The following UNC13C variants were observed in gnomAD, a reference collection of about 807,000 sequenced individuals.
UNC13C encodes unc-13 homolog C.
UNC13C carries 174 observed loss-of-function variants against 245.4 expected under a neutral mutation model. The ratio of observed to expected loss-of-function variants is 0.71; its 90% CI spans 0.63 to 0.80. The LOEUF is 0.80. Ranked by LOEUF, UNC13C falls within the 30% of genes least tolerant of loss-of-function variation. UNC13C has a pLI of 0.00. For missense variants in UNC13C, 2,829 were observed against 2,602.9 expected, an observed-to-expected ratio of 1.09 and a Z score of -1.89; for synonymous variants, 992 against 895.1, an observed-to-expected ratio of 1.11 and a Z score of -1.93.
At chr15:54,552,318 AAT>A (rs1463515166) in intron 28 of UNC13C, among the ~76,000 whole-genome samples, 1 of 124,860 alleles carries the variant, frequency 8.0e-6, no homozygotes, top group Non-Finnish European at 1.6e-5. Flanking sequence ...TATATAATGT[AAT>A]ATATAATTAT....
At chr15:54,121,982 A>G (rs78999015) in intron 2 of UNC13C, among the ~76,000 whole-genome samples, 3,713 of 151,946 alleles carry the variant, frequency 0.024, 153 homozygotes, top group African/African-American at 0.08. Context: ...TTTTATGTTG[A>G]TCTTATATGG....
At chr15:54,633,276 A>G (rs574213992), downstream of UNC13C, 32 of 152,346 alleles carry the variant, frequency 2.1e-4, no homozygotes, top group Admixed American at 1.7e-3. Flanking sequence ...ATTCGTGGGC[A>G]CAGTATATGT....
At chr15:53,935,068 A>G in the UNC13C span, among the ~76,000 whole-genome samples, 1 of 152,210 alleles carries the variant, frequency 6.6e-6, no homozygotes, top group African/African-American at 2.4e-5. Context: ...CACATCAACC[A>G]GGAAGTTTAA....
intron 2 of UNC13C, among the ~76,000 whole-genome samples, chr15:54,017,274 A>T (rs557078583): frequency 1.3e-5 from 2 of 152,162 alleles, no homozygotes; most frequent in Non-Finnish European, 2.9e-5. Context: ...CTGATTTAAG[A>T]GTGAAAAGTA....
intron 30 of UNC13C, among the ~76,000 whole-genome samples, chr15:54,612,945 G>A (rs1230952209): frequency 1.3e-5 from 2 of 151,802 alleles, no homozygotes; most frequent in Non-Finnish European, 2.9e-5. Context: ...ATACTTATAT[G>A]AATTAATTCA....
At chr15:54,033,345 G>A (rs968289706) in intron 2 of UNC13C, among the ~76,000 whole-genome samples, 2 of 152,090 alleles carry the variant, frequency 1.3e-5, no homozygotes, top group Admixed American at 6.5e-5. Flanking sequence ...GAGAAACACT[G>A]TTACTTTGGA....
At chr15:54,380,459 A>T (rs2039699420) in intron 17 of UNC13C, among the ~76,000 whole-genome samples, 1 of 152,152 alleles carries the variant, frequency 6.6e-6, no homozygotes, top group South Asian at 2.1e-4. Context: ...TCTTTGACAT[A>T]CTGATTTAAT....
chr15:53,881,017 T>A, the UNC13C span, among the ~76,000 whole-genome samples: 1 of 152,190 alleles, frequency 6.6e-6, no homozygotes, highest in Non-Finnish European at 1.5e-5. Context: ...CCCCAAGTGA[T>A]GCTGGCCTTG....
chr15:54,259,406 G>T (rs1042400548), intron 8 of UNC13C, among the ~76,000 whole-genome samples: 3 of 152,228 alleles, frequency 2.0e-5, no homozygotes, highest in African/African-American at 7.2e-5. Flanking sequence ...AACAGTCATG[G>T]CGGAAGGCGA....
intron 4 of UNC13C, among the ~76,000 whole-genome samples, chr15:54,214,897 C>CACCCTAAATTGAG (rs2034992531): frequency 1.3e-5 from 2 of 151,850 alleles, no homozygotes; most frequent in Admixed American, 6.6e-5. Flanking sequence ...TAAAAGCTAA[C>CACCCTAAATTGAG]ACCCTAAATT....
the UNC13C span, among the ~76,000 whole-genome samples, chr15:53,934,622 A>T: frequency 7.2e-5 from 11 of 152,212 alleles, no homozygotes; most frequent in Non-Finnish European, 1.3e-4. Flanking sequence ...CGTAGAAGGT[A>T]TATGTCTTAT....
At chr15:53,917,101 T>C in the UNC13C span, among the ~76,000 whole-genome samples, 3 of 152,246 alleles carry the variant, frequency 2.0e-5, no homozygotes, top group Admixed American at 1.3e-4. Context: ...TCCTGGTGAA[T>C]TTGTTTAACA....
chr15:54,513,113 T>G (rs1481747972), intron 24 of UNC13C, among the ~76,000 whole-genome samples: 1 of 152,200 alleles, frequency 6.6e-6, no homozygotes, highest in Non-Finnish European at 1.5e-5. Flanking sequence ...TATTTTAAAA[T>G]TATTCTGCTG....
the UNC13C span, among the ~76,000 whole-genome samples, chr15:53,937,384 G>A: frequency 6.6e-6 from 1 of 152,156 alleles, no homozygotes; most frequent in Admixed American, 6.5e-5. Flanking sequence ...ATGGGACTAT[G>A]TAAAAAGACT....
At chr15:54,521,185 A>C (rs1895200871) in intron 24 of UNC13C, among the ~76,000 whole-genome samples, 1 of 152,190 alleles carries the variant, frequency 6.6e-6, no homozygotes, top group Admixed American at 6.5e-5. Context: ...TAATGCAAAA[A>C]TATTGGAGAG....
At chr15:54,429,999 A>G (rs2140973287) in intron 19 of UNC13C, among the ~76,000 whole-genome samples, 1 of 151,786 alleles carries the variant, frequency 6.6e-6, no homozygotes, top group South Asian at 2.1e-4. Flanking sequence ...CCAAAATAAT[A>G]TGCCAATTTG....
chr15:53,893,419 G>A, the UNC13C span, among the ~76,000 whole-genome samples: 1 of 152,210 alleles, frequency 6.6e-6, no homozygotes, highest in Non-Finnish European at 1.5e-5. Context: ...GAGCTGTGAG[G>A]CAGGAATGTT....
intron 10 of UNC13C, among the ~76,000 whole-genome samples, chr15:54,276,985 G>A (rs1039127156): frequency 2.0e-5 from 3 of 151,922 alleles, no homozygotes; most frequent in East Asian, 1.9e-4. Flanking sequence ...ACCAATGAAA[G>A]CATCTTCTAT....
intron 2 of UNC13C, among the ~76,000 whole-genome samples, chr15:54,022,250 T>A (rs931018794): frequency 1.3e-5 from 2 of 152,238 alleles, no homozygotes; most frequent in Non-Finnish European, 2.9e-5. Context: ...ACACTTGTTA[T>A]TATTCATCTT....
Sources: gnomAD v4.1 joint callset for allele counts (sites outside exome capture counted in the v4.1 genomes callset) on GRCh38, gnomAD v4.1.1 for gene constraint, MANE v1.5 for transcripts, NCBI Gene and HGNC (gene_info 2026-07-23, HGNC 2026-07-21) for gene names.